Variants in TRIB2 observed in about 807,000 individuals in gnomAD.
TRIB2 encodes the protein tribbles homolog 2.
In TRIB2, 2 loss-of-function variants were observed where a neutral mutation model predicts 26.8. The ratio of observed to expected loss-of-function variants is 0.07; its 90% CI spans 0.03 to 0.24. The LOEUF (loss-of-function observed/expected upper bound fraction) is 0.24. TRIB2 is among the 10% of genes least tolerant of loss of function. The pLI is 1.00. For synonymous variants in TRIB2, 189 were observed against 187.3 expected (o/e 1.01, Z -0.08); for missense variants, 306 against 449.0 (o/e 0.68, Z 2.88).
chr2:12,720,752 G>T (rs1300032071), intron 1 of TRIB2, among the ~76,000 whole-genome samples: 1 of 152,196 alleles, frequency 6.6e-6, no homozygotes, highest in Non-Finnish European at 1.5e-5. Context: ...CTATTTGGAG[G>T]AATAGAGATT....
At position 12,740,617 on chromosome 2, in the gene TRIB2, C is replaced by A; in HGVS notation, c.855C>A (p.Ile285=). The change falls in exon 3 of 3, where the codon ATC becomes ATA. Residue 285 remains isoleucine (I), a synonymous_variant. Transcript: ENST00000155926. The surrounding 1 kb of genome is among the most constrained non-coding windows in gnomAD (Gnocchi z 5.8). ...TGTCGCCCAAGGCCAAGTGCCTCAT[C>A]CGAAGCATTCTGCGTCGGGAGCCCT... is the stretch of plus-strand genomic sequence containing the variant. ...ETLSPKAKCL[I]RSILRREPSE... The A allele has an allele frequency of 6.2e-7, 1 of 1,614,214 alleles. No homozygotes were observed. The highest frequency in any genetic ancestry group is 8.5e-7 in the Non-Finnish European group (1 of 1,180,040).
chr2:12,737,957 C>T (rs529264826), intron 2 of TRIB2, among the ~76,000 whole-genome samples: 1 of 152,258 alleles, frequency 6.6e-6, no homozygotes, highest in East Asian at 1.9e-4. Flanking sequence ...AGAGACAGAG[C>T]CTAGCCTGGA....
chr2:12,722,667 TC>T (rs1661245707), intron 1 of TRIB2, among the ~76,000 whole-genome samples: 2 of 151,248 alleles, frequency 1.3e-5, no homozygotes, highest in Non-Finnish European at 3.0e-5. Context: ...TCTATCATAT[TC>T]CTACCTCTGC....
chr2:12,736,603 C>T (rs1032937957), intron 2 of TRIB2, among the ~76,000 whole-genome samples: 10 of 152,194 alleles, frequency 6.6e-5, no homozygotes, highest in Non-Finnish European at 1.3e-4. Flanking sequence ...CCGGTGAGCG[C>T]ACTGAAGCTC....
chr2:12,739,934 T>G (rs1661676918), intron 2 of TRIB2, among the ~76,000 whole-genome samples: 1 of 152,210 alleles, frequency 6.6e-6, no homozygotes, highest in Non-Finnish European at 1.5e-5. Context: ...CCTGGTTGGT[T>G]AGGTCTCGGT....
At chr2:12,724,532 C>T in intron 2 of TRIB2, 7 of 1,519,922 alleles carry the variant, frequency 4.6e-6, no homozygotes, top group Non-Finnish European at 6.2e-6. Flanking sequence ...TTGATCTTTG[C>T]TTGTGAATGC....
rs1038290279 is a variant in TRIB2 at position 12,720,896 on chromosome 2, T to C, written c.270+2319T>C. ...GAGATACTGGTAGCTACTGTGCAGATTGACATAATTACTATCTTGGCAGAA... is the reference window on the plus strand; with the variant it reads ...GAGATACTGGTAGCTACTGTGCAGACTGACATAATTACTATCTTGGCAGAA... On this transcript the variant is annotated intron_variant, in intron 1 of 2. Coordinates refer to ENST00000155926, the MANE Select transcript of TRIB2 (RefSeq NM_021643.4). Among the ~76,000 whole-genome samples, 7 of 152,342 alleles carry C rather than the reference T, an allele frequency of 4.6e-5. 1 individual carries two copies. The highest frequency in any genetic ancestry group is 1.7e-4 in the African/African-American group (7 of 41,586).
chr2:12,734,053 G>C (rs1363939537), intron 2 of TRIB2, among the ~76,000 whole-genome samples: 2 of 152,204 alleles, frequency 1.3e-5, no homozygotes, highest in Non-Finnish European at 2.9e-5. Flanking sequence ...CCACGTGTAA[G>C]CCTTGTTCAT....
rs984799175 is a variant in TRIB2, at chr2:12,718,667, C to A, written c.270+90C>A. Reference sequence around the variant, plus strand: ...CCCTCGAGTCTGGGAGAGGGAGATTCGCGGGATAATTACCGTGGCCTTATT... The same window carrying A: ...CCCTCGAGTCTGGGAGAGGGAGATTAGCGGGATAATTACCGTGGCCTTATT... On this transcript the variant is annotated intron_variant, in intron 1 of 2. Coordinates refer to ENST00000155926, the MANE Select transcript of TRIB2 (RefSeq NM_021643.4). The surrounding 1 kb of genome is among the most constrained non-coding windows in gnomAD (Gnocchi z 4.0). 6.7e-7 allele frequency: 1 copy of A among 1,492,422 alleles called. No individual in the cohort carries two copies. The highest frequency in any genetic ancestry group is 2.2e-5 in the Admixed American group (1 of 45,612). 92.4% of individuals were successfully genotyped at this position (1,492,422 alleles called of 1,614,324 possible).
Position 12,741,100 on chromosome 2 carries a change from A to C in TRIB2, c.*306A>C, listed in dbSNP as rs1661701560. On this transcript the variant is annotated 3_prime_UTR_variant, in exon 3 of 3. Transcript: ENST00000155926. ...CCTACCCCACTTTTCATTTTGTTCC[A>C]AAATAGTTGCAGATCCTGACAGAAT... 3.1e-6 allele frequency: 1 copy of C among 320,798 alleles called. No individual in the cohort carries two copies. Among genetic ancestry groups the C allele is most frequent in the East Asian group, 6.1e-5 (1 of 16,436 alleles). The allele number at this position is 320,798 out of a possible 1,614,324, so 19.9% of individuals were successfully genotyped here.
intron 2 of TRIB2, among the ~76,000 whole-genome samples, chr2:12,729,111 T>C (rs1661396252): frequency 6.6e-6 from 1 of 152,188 alleles, no homozygotes; most frequent in Non-Finnish European, 1.5e-5. Flanking sequence ...GTACTTGAGG[T>C]ATTGCCAACC....
In TRIB2 at chr2:12,718,276, T is replaced by G; in HGVS notation, c.-32T>G. 1 of 1,591,252 alleles carries G rather than the reference T, an allele frequency of 6.3e-7. No homozygotes were observed. The highest frequency in any genetic ancestry group is 2.2e-5 in the East Asian group (1 of 44,480). On this transcript the variant is annotated 5_prime_UTR_variant, in exon 1 of 3. Coordinates refer to ENST00000155926, the MANE Select transcript of TRIB2 (RefSeq NM_021643.4). This position sits in a 1 kb window ranked among gnomAD's most constrained non-coding sequence, Gnocchi z 4.0. ...AGCGACTCATCTCTCCAGCGGGTTT[T>G]TTTTTGTTTGTCGTGTGCGATCCTC... is the stretch of plus-strand genomic sequence containing the variant.
rs13019538 is a variant in TRIB2, at chr2:12,732,586, C to T, written c.564-7740C>T. 0.38 allele frequency among the ~76,000 whole-genome samples: 58,461 copies of T among 152,090 alleles called. 13,629 individuals are homozygous for T. The highest frequency in any genetic ancestry group is 0.82 in the East Asian group (4,218 of 5,158). On this transcript the variant is annotated intron_variant, in intron 2 of 2. Coordinates refer to ENST00000155926, the MANE Select transcript of TRIB2 (RefSeq NM_021643.4). This position sits in a 1 kb window ranked among gnomAD's most constrained non-coding sequence, Gnocchi z 4.2. ...TTCACTGACTCTCCAAGACTTGGTG[C>T]AGAGGTGGCTCTCAGAGGTGACTGT...
chr2:12,738,038 A>G (rs1661621885), intron 2 of TRIB2, among the ~76,000 whole-genome samples: 1 of 152,202 alleles, frequency 6.6e-6, no homozygotes, highest in Admixed American at 6.5e-5. Context: ...GTTGGTGGAA[A>G]TTAATACGGA....
chr2:12,719,447 G>A (rs1483915368), intron 1 of TRIB2, among the ~76,000 whole-genome samples: 6 of 151,998 alleles, frequency 3.9e-5, no homozygotes, highest in Admixed American at 2.6e-4. Context: ...TGCACCCACC[G>A]GGCCCCAGAC....
Position 12,740,705 on chromosome 2 carries a change from T to C in TRIB2, c.943T>C (p.Ser315Pro). ...HPWFSTDFSV[S>P]NSAYGAKEVS... Reference sequence around the variant, plus strand: ...TTGGTTTTCTACAGATTTTAGCGTCTCGAATTCAGCATATGGTGCTAAGGA... The same window carrying C: ...TTGGTTTTCTACAGATTTTAGCGTCCCGAATTCAGCATATGGTGCTAAGGA... Residue 315 changes from serine to proline, a missense_variant, in exon 3 of 3, where the codon TCG becomes CCG. Ser to Pro is a moderately conservative substitution (Grantham distance 74). Around this residue, in one of 4 missense-constraint regions of TRIB2, gnomAD observed 78 missense variants for 104.9 expected, o/e 0.74. Transcript: ENST00000155926. The surrounding 1 kb of genome is among the most constrained non-coding windows in gnomAD (Gnocchi z 5.8). 6.2e-7 allele frequency: 1 copy of C among 1,614,190 alleles called. No individual in the cohort carries two copies. The highest frequency in any genetic ancestry group is 8.5e-7 in the Non-Finnish European group (1 of 1,180,040).
At position 12,718,135 on chromosome 2, in the gene TRIB2, G is replaced by A. The variant is rs2103247474; in HGVS notation, c.-173G>A. 4 of 901,100 alleles carry A rather than the reference G, an allele frequency of 4.4e-6. No homozygotes were observed. Among genetic ancestry groups the A allele is most frequent in the Admixed American group, 3.0e-5 (1 of 33,586 alleles). The allele number at this position is 901,100 out of a possible 1,614,324, so 55.8% of individuals were successfully genotyped here. ...CGGGCTCGGAGCAGACGAGGTATCCGGCGGCGCCCATTTGGGGGCTTCTAA... is the reference window on the plus strand; with the variant it reads ...CGGGCTCGGAGCAGACGAGGTATCCAGCGGCGCCCATTTGGGGGCTTCTAA... On this transcript the variant is annotated 5_prime_UTR_variant, in exon 1 of 3. Transcript: ENST00000155926. This position sits in a 1 kb window ranked among gnomAD's most constrained non-coding sequence, Gnocchi z 4.0.
chr2:12,717,653 G>C lies in TRIB2; in HGVS notation c.-655G>C. The stretch of plus-strand genomic sequence containing the variant: ...TAATTTTTGGAGAGCTCGCGATCTT[G>C]GAAAAGCCTCAGACGCCATCTACAG... On this transcript the variant is annotated 5_prime_UTR_variant, in exon 1 of 3. Transcript: ENST00000155926. The surrounding 1 kb of genome is among the most constrained non-coding windows in gnomAD (Gnocchi z 4.8). The C allele has an allele frequency of 2.5e-6, 1 of 394,734 alleles. No homozygotes were observed. Among genetic ancestry groups the C allele is most frequent in the Non-Finnish European group, 4.5e-6 (1 of 224,168 alleles). The allele number at this position is 394,734 out of a possible 1,614,324, so 24.5% of individuals were successfully genotyped here.
intron 1 of TRIB2, among the ~76,000 whole-genome samples, chr2:12,721,137 G>T (rs536780171): frequency 6.6e-6 from 1 of 152,256 alleles, no homozygotes; most frequent in African/African-American, 2.4e-5. Flanking sequence ...GCTCCTTCTC[G>T]TGTGGGAAAA....
Sources: gnomAD v4.1 joint callset for allele counts (sites outside exome capture counted in the v4.1 genomes callset) on GRCh38, gnomAD v4.1.1 for gene constraint, gnomAD v4.1.1 regional missense constraint, Gnocchi (gnomAD v3.1) non-coding constraint, MANE v1.5 for transcripts, NCBI Gene and HGNC (gene_info 2026-07-23, HGNC 2026-07-21) for gene names.